The following TSACC variants were observed in gnomAD, a reference collection of about 807,000 sequenced individuals.
TSACC encodes TSSK6-activating co-chaperone protein.
In TSACC, 3 loss-of-function variants were observed where a neutral mutation model predicts 6.9. That is an observed-to-expected ratio of 0.43 (90% CI 0.20 to 1.12). The LOEUF (loss-of-function observed/expected upper bound fraction) is 1.12, where lower values mean the gene tolerates loss of function less well. Among genes scored for constraint, TSACC ranks in the 50% most tolerant of loss-of-function variants. The pLI, the probability that TSACC is intolerant of heterozygous loss-of-function variation, is 0.28. For synonymous variants in TSACC, 54 were observed against 55.1 expected (o/e 0.98, Z 0.09); for missense variants, 137 against 143.9 (o/e 0.95, Z 0.24).
At chr1:156,345,507 G>GAGCCAAGACTGGGCCATTGCACTC (rs1666118160) in intron 3 of TSACC, among the ~76,000 whole-genome samples, 1 of 151,604 alleles carries the variant, frequency 6.6e-6, no homozygotes, top group African/African-American at 2.4e-5. Context: ...AGGTTGCAGT[G>GAGCCAAGACTGGGCCATTGCACTC]AGCCAAGACT....
chr1:156,345,515 A>T (rs1158999422), intron 3 of TSACC, among the ~76,000 whole-genome samples: 1 of 151,724 alleles, frequency 6.6e-6, no homozygotes, highest in East Asian at 1.9e-4. Flanking sequence ...GTGAGCCAAG[A>T]CTGGGCCATT....
chr1:156,340,660 C>T (rs1299207419), intron 2 of TSACC, among the ~76,000 whole-genome samples: 1 of 150,848 alleles, frequency 6.6e-6, no homozygotes, highest in African/African-American at 2.4e-5. Flanking sequence ...GGGGTTTCGC[C>T]ATCTTGGTCA....
rs774002426 is a variant in TSACC at position 156,346,768 on chromosome 1, T to C, written c.164T>C (p.Val55Ala). Reference sequence around the variant, plus strand: ...ACCTCCGTTGCTTTTCCTTCTGGAGTTGATCACAAGCCCAAGGAATGCCTA... The same window carrying C: ...ACCTCCGTTGCTTTTCCTTCTGGAGCTGATCACAAGCCCAAGGAATGCCTA... ...LNIQTTKLPS[V>A]DHKPKECLGL... The change falls in exon 4 of 4, where the codon GTT becomes GCT. Residue 55 changes from valine (V) to alanine (A), a missense_variant and splice_region_variant. By Grantham distance (64) the Val-to-Ala change is moderately conservative. Coordinates refer to ENST00000368254, the MANE Select transcript of TSACC (RefSeq NM_001304817.2). 2.1e-5 allele frequency: 34 copies of C among 1,613,852 alleles called. No individual in the cohort carries two copies. Among genetic ancestry groups the C allele is most frequent in the Non-Finnish European group, 2.7e-5 (32 of 1,179,922 alleles).
intron 2 of TSACC, among the ~76,000 whole-genome samples, chr1:156,341,875 A>G (rs1017764025): frequency 2.6e-5 from 4 of 152,036 alleles, no homozygotes; most frequent in Admixed American, 6.6e-5. Context: ...CATCCTGACT[A>G]ACACGGTGAA....
At chr1:156,344,519 A>T (rs1284564084) in intron 2 of TSACC, 61 bp from the exon 3 acceptor site, 2 of 1,586,296 alleles carry the variant, frequency 1.3e-6, no homozygotes, top group Non-Finnish European at 1.7e-6. Context: ...AGGTGCAGGG[A>T]TCTAATTAGA....
intron 3 of TSACC, among the ~76,000 whole-genome samples, chr1:156,346,023 G>A (rs1214257481): frequency 1.3e-5 from 2 of 150,976 alleles, no homozygotes; most frequent in South Asian, 4.2e-4. Context: ...GTGAAACCTC[G>A]TCTCTACTAA....
At chr1:156,338,668 C>T (rs1665593704) in intron 1 of TSACC, 63 bp downstream of exon 1, 1 of 166,938 alleles carries the variant, frequency 6.0e-6, no homozygotes, top group African/African-American at 2.4e-5. Flanking sequence ...CTAAGAAAGG[C>T]TTCACAGTTC....
rs1291797847 is a variant in TSACC at position 156,346,989 on chromosome 1, G to A, written c.*7G>A. On this transcript the variant is annotated 3_prime_UTR_variant, in exon 4 of 4. Coordinates refer to ENST00000368254, the MANE Select transcript of TSACC (RefSeq NM_001304817.2). The stretch of plus-strand genomic sequence containing the variant: ...GCCCCAATTCAGTAAATGAATTGTG[G>A]AACAAAGTTATTGTGTTGTTTTCCT... 6.2e-7 allele frequency: 1 copy of A among 1,612,170 alleles called. No individual in the cohort carries two copies. Among genetic ancestry groups the A allele is most frequent in the Non-Finnish European group, 8.5e-7 (1 of 1,178,544 alleles).
chr1:156,338,599 A>G lies in TSACC; in HGVS notation c.-131A>G. On this transcript the variant is annotated 5_prime_UTR_variant, in exon 1 of 4. Coordinates refer to ENST00000368254, the MANE Select transcript of TSACC (RefSeq NM_001304817.2). ...GCTGGGGTTGCGGCTTTCGGTTAACACCGCAGGTGAGGTCGTTAAACTGTG... is the reference window on the plus strand; with the variant it reads ...GCTGGGGTTGCGGCTTTCGGTTAACGCCGCAGGTGAGGTCGTTAAACTGTG... 4.0e-6 allele frequency: 1 copy of G among 251,074 alleles called. No homozygotes were observed. Among genetic ancestry groups the G allele is most frequent in the Non-Finnish European group, 7.9e-6 (1 of 127,080 alleles). The allele number at this position is 251,074 out of a possible 1,614,324, so 15.6% of individuals were successfully genotyped here.
In TSACC at chr1:156,339,615, C is replaced by G. The variant is rs1348331471; in HGVS notation, c.-124-19C>G. 1.0e-6 allele frequency: 1 copy of G among 971,344 alleles called. No homozygotes were observed. Among genetic ancestry groups the G allele is most frequent in the Non-Finnish European group, 1.5e-6 (1 of 653,350 alleles). The allele number at this position is 971,344 out of a possible 1,614,324, so 60.2% of individuals were successfully genotyped here. A position where few individuals can be genotyped will look rare whatever the true frequency, so the allele number is the denominator to read the frequency against. ...CCTGTTTGGCCATGAAATAGAGTTT[C>G]CTACTTTTTCCTCTGCAGATTGGAA... On this transcript the variant is annotated intron_variant, in intron 1 of 3. Transcript: ENST00000368254.
intron 2 of TSACC, 140 bp downstream of exon 2, chr1:156,339,931 A>C: frequency 1.2e-6 from 1 of 849,066 alleles, no homozygotes. Context: ...TTATTTGTTA[A>C]ATGAATTTAT....
At chr1:156,338,435 G>C (rs1401031028), upstream of TSACC, 1 of 573,344 alleles carries the variant, frequency 1.7e-6, no homozygotes, top group African/African-American at 1.9e-5. Context: ...GCACGACGAA[G>C]GCACTGGGAG....
upstream of TSACC, chr1:156,338,161 G>A (rs1038148775): frequency 6.3e-7 from 1 of 1,588,514 alleles, no homozygotes; most frequent in South Asian, 1.2e-5. Context: ...CACTGAGCAC[G>A]AGCACTGGAC....
chr1:156,340,659 C>G (rs1022245388), intron 2 of TSACC, among the ~76,000 whole-genome samples: 1 of 151,766 alleles, frequency 6.6e-6, no homozygotes, highest in Non-Finnish European at 1.5e-5. Flanking sequence ...TGGGGTTTCG[C>G]CATCTTGGTC....
intron 2 of TSACC, among the ~76,000 whole-genome samples, chr1:156,343,288 TG>T (rs1665994789): frequency 6.6e-6 from 1 of 152,168 alleles, no homozygotes; most frequent in African/African-American, 2.4e-5. Context: ...CTTGTGCAGT[TG>T]GGAGAGATGC....
At chr1:156,340,209 G>C (rs2101700961) in intron 2 of TSACC, among the ~76,000 whole-genome samples, 1 of 152,222 alleles carries the variant, frequency 6.6e-6, no homozygotes, top group South Asian at 2.1e-4. Context: ...CCCAGGCTGG[G>C]GTGCAGAGGC....
In TSACC at chr1:156,339,735, G is replaced by A. The variant is rs776119918; in HGVS notation, c.-23G>A. ...ATCTGATGCTATGATTCTTTCCCAG[G>A]CACCACACCTGTTGGTGTTCAGATG... is the stretch of plus-strand genomic sequence containing the variant. On this transcript the variant is annotated 5_prime_UTR_variant, in exon 2 of 4. Transcript: ENST00000368254. The A allele has an allele frequency of 1.2e-6, 2 of 1,613,782 alleles. No individual in the cohort carries two copies. Among genetic ancestry groups the A allele is most frequent in the East Asian group, 4.5e-5 (2 of 44,868 alleles).
upstream of TSACC, chr1:156,338,309 C>G (rs918234716): frequency 7.8e-6 from 7 of 901,838 alleles, no homozygotes; most frequent in South Asian, 1.4e-5. Flanking sequence ...ACCCGCTACT[C>G]TCAAGGTAGT....
chr1:156,339,594 T>G, intron 1 of TSACC, 40 bp from the exon 2 acceptor site: 1 of 750,662 alleles, frequency 1.3e-6, no homozygotes, highest in Non-Finnish European at 2.2e-6. Flanking sequence ...CAGTCACCTG[T>G]TTGGCCATGA....
Sources: gnomAD v4.1 joint callset for allele counts (sites outside exome capture counted in the v4.1 genomes callset) on GRCh38, gnomAD v4.1.1 for gene constraint, MANE v1.5 for transcripts, NCBI Gene and HGNC (gene_info 2026-07-23, HGNC 2026-07-21) for gene names.